TRAPPC9: variants seen among roughly 807,000 people sequenced by gnomAD.
The protein encoded by TRAPPC9 is IKK2 binding protein.
A neutral mutation model predicts 124.0 loss-of-function variants in TRAPPC9; 83 were observed. The observed-to-expected ratio is 0.67, with a 90% CI of 0.56 to 0.80. The LOEUF is 0.80. TRAPPC9 is among the 30% of genes least tolerant of loss of function. TRAPPC9 has a pLI of 0.00. For missense variants in TRAPPC9, 1,302 were observed against 1,508.3 expected, an observed-to-expected ratio of 0.86 and a Z score of 2.27; for synonymous variants, 638 against 617.5, an observed-to-expected ratio of 1.03 and a Z score of -0.49.
intron 17 of TRAPPC9, among the ~76,000 whole-genome samples, chr8:140,114,351 A>AC (rs397736608): frequency 6.8e-4 from 102 of 150,214 alleles, no homozygotes; most frequent in Middle Eastern, 3.4e-3. Context: ...AAAAAAAAAA[A>AC]CCTCACAAAA....
intron 7 of TRAPPC9, among the ~76,000 whole-genome samples, chr8:140,392,577 G>A (rs930954426): frequency 6.6e-6 from 1 of 152,200 alleles, no homozygotes; most frequent in Non-Finnish European, 1.5e-5. Flanking sequence ...TTTGCTGCCC[G>A]CTGAACGCTC....
Position 139,832,850 on chromosome 8 carries a change from T to G in TRAPPC9, c.3055+53029A>C, listed in dbSNP as rs114644984. On this transcript the variant is annotated intron_variant, in intron 21 of 22. Coordinates refer to ENST00000438773, the MANE Select transcript of TRAPPC9 (RefSeq NM_001160372.4). The stretch of plus-strand genomic sequence containing the variant: ...TCCTCCCCATGAGGGTGTGGGAACT[T>G]GGGAATGTTATGGCTTCCATGATTA... Among the ~76,000 whole-genome samples the G allele has an allele frequency of 3.3e-3, 508 of 152,230 alleles. 3 individuals are homozygous for G. The highest frequency in any genetic ancestry group is 0.012 in the African/African-American group (496 of 41,538).
At chr8:140,207,853 T>C (rs756257290) in intron 17 of TRAPPC9, among the ~76,000 whole-genome samples, 1 of 152,206 alleles carries the variant, frequency 6.6e-6, no homozygotes, top group East Asian at 1.9e-4. Flanking sequence ...TGGATGTTTA[T>C]GTTAAAATTT....
At chr8:139,741,394 C>T (rs964775348) in intron 21 of TRAPPC9, among the ~76,000 whole-genome samples, 5 of 152,164 alleles carry the variant, frequency 3.3e-5, no homozygotes, top group African/African-American at 9.7e-5. Context: ...CTTGAGGTGG[C>T]GAGTGGCTCA....
At chr8:139,942,251 C>T (rs1165247047) in intron 19 of TRAPPC9, among the ~76,000 whole-genome samples, 1 of 152,128 alleles carries the variant, frequency 6.6e-6, no homozygotes, top group Non-Finnish European at 1.5e-5. Context: ...GAGGGTTCTC[C>T]CTCATTTTGG....
intron 21 of TRAPPC9, among the ~76,000 whole-genome samples, chr8:139,745,766 G>A (rs952390081): frequency 2.6e-5 from 4 of 152,246 alleles, no homozygotes; most frequent in African/African-American, 7.2e-5. Flanking sequence ...GGGGGACCAG[G>A]GACTGGGCTC....
chr8:140,372,802 T>C (rs7844968), intron 7 of TRAPPC9, among the ~76,000 whole-genome samples: 10,395 of 152,278 alleles, frequency 0.068, 920 homozygotes, highest in African/African-American at 0.2. Context: ...TGCTGGCACC[T>C]GGATCATGGA....
At chr8:139,795,246 C>A (rs1394361482) in intron 21 of TRAPPC9, among the ~76,000 whole-genome samples, 1 of 152,174 alleles carries the variant, frequency 6.6e-6, no homozygotes, top group Non-Finnish European at 1.5e-5. Context: ...TTGCATTGTG[C>A]CCACAACCCC....
chr8:140,244,891 C>T (rs1318826264), intron 16 of TRAPPC9, among the ~76,000 whole-genome samples: 1 of 141,670 alleles, frequency 7.1e-6, no homozygotes, highest in Non-Finnish European at 1.5e-5. Flanking sequence ...ACTGCAATCT[C>T]TGCTTTCTGG....
At chr8:139,746,251 C>T (rs1818877504) in intron 21 of TRAPPC9, among the ~76,000 whole-genome samples, 3 of 152,216 alleles carry the variant, frequency 2.0e-5, no homozygotes, top group South Asian at 4.1e-4. Context: ...CAGAGGCTGT[C>T]TGGGAAGCCA....
chr8:140,029,967 C>T (rs2131960012), intron 17 of TRAPPC9, among the ~76,000 whole-genome samples: 1 of 152,144 alleles, frequency 6.6e-6, no homozygotes, highest in South Asian at 2.1e-4. Context: ...TAATGCAAGG[C>T]TGGTTTAATC....
intron 15 of TRAPPC9, among the ~76,000 whole-genome samples, chr8:140,272,420 A>G (rs558926174): frequency 2.2e-4 from 28 of 126,220 alleles, no homozygotes; most frequent in East Asian, 7.2e-4. Context: ...GGTGATGGTG[A>G]TGGTGGTGAT....
intron 18 of TRAPPC9, among the ~76,000 whole-genome samples, chr8:140,003,123 C>T (rs563496085): frequency 6.6e-6 from 1 of 151,964 alleles, no homozygotes; most frequent in African/African-American, 2.4e-5. Flanking sequence ...GGACTTGTAT[C>T]TATAATATAT....
chr8:139,877,229 G>A (rs1249092284), intron 21 of TRAPPC9, among the ~76,000 whole-genome samples: 1 of 152,232 alleles, frequency 6.6e-6, no homozygotes, highest in African/African-American at 2.4e-5. Context: ...AGTGGAAGAG[G>A]CAGGCGGAGG....
At chr8:139,901,828 C>G (rs1472330450) in intron 20 of TRAPPC9, among the ~76,000 whole-genome samples, 1 of 152,236 alleles carries the variant, frequency 6.6e-6, no homozygotes, top group East Asian at 1.9e-4. Flanking sequence ...TGACCTACAG[C>G]AAGCGAGGTG....
chr8:140,311,432 C>A, intron 9 of TRAPPC9, 58 bp from the exon 10 acceptor site: 1 of 1,599,722 alleles, frequency 6.3e-7, no homozygotes. Flanking sequence ...AAGTGGCTGG[C>A]TTTCATTTTA....
upstream of TRAPPC9, chr8:140,458,220 A>C: frequency 1.9e-6 from 3 of 1,550,374 alleles, no homozygotes; most frequent in Admixed American, 3.9e-5. Context: ...ACTAGGAGGA[A>C]AGCTTCTGCA....
chr8:140,379,017 T>C (rs557780445), intron 7 of TRAPPC9, among the ~76,000 whole-genome samples: 33 of 152,328 alleles, frequency 2.2e-4, no homozygotes, highest in Non-Finnish European at 3.5e-4. Flanking sequence ...GACCACTATA[T>C]TGTCAAAACA....
chr8:139,801,032 TACCTTCCCTCCCTCCGGC>T (rs1563823943), intron 21 of TRAPPC9, among the ~76,000 whole-genome samples: 1 of 140,238 alleles, frequency 7.1e-6, no homozygotes, highest in Admixed American at 7.0e-5. Context: ...CTCCCTCCGG[TACCTTCCCTCCCTCCGGC>T]ACCTTCCCTC....
Sources: allele counts gnomAD v4.1 joint callset (sites outside exome capture counted in the v4.1 genomes callset), GRCh38; gene constraint gnomAD v4.1.1; transcripts MANE v1.5; gene names NCBI Gene and HGNC (gene_info 2026-07-23, HGNC 2026-07-21).